UHRF2: variants seen among roughly 807,000 people sequenced by gnomAD.
The protein encoded by UHRF2 is ubiquitin like with PHD and ring finger domains 2.
A neutral mutation model predicts 96.8 loss-of-function variants in UHRF2; 23 were observed. The observed-to-expected ratio is 0.24, with a 90% CI of 0.17 to 0.34. UHRF2 has a LOEUF of 0.34. UHRF2 is among the 10% of genes least tolerant of loss of function. The probability of loss-of-function intolerance (pLI) is 1.00; values close to 1 mark genes in which losing one functional copy is unlikely to be tolerated. For synonymous variants in UHRF2, 385 were observed against 332.6 expected (o/e 1.16, Z -1.72); for missense variants, 685 against 981.5 (o/e 0.70, Z 4.04).
At chr9:6,421,265 A>G (rs971350533) in intron 2 of UHRF2, 123 bp downstream of exon 2, 1 of 756,966 alleles carries the variant, frequency 1.3e-6, no homozygotes, top group Non-Finnish European at 2.1e-6. Flanking sequence ...TGTTAATATC[A>G]TAACTTTTAA....
chr9:6,424,224 A>C (rs926708867), intron 2 of UHRF2, among the ~76,000 whole-genome samples: 8 of 152,230 alleles, frequency 5.3e-5, no homozygotes, highest in South Asian at 2.1e-4. Flanking sequence ...CAGTCACTAA[A>C]GTGGCTATCT....
chr9:6,421,202 A>G, intron 2 of UHRF2, 60 bp downstream of exon 2: 3 of 1,310,704 alleles, frequency 2.3e-6, no homozygotes, highest in Admixed American at 2.4e-5. Flanking sequence ...TTTTCTGTTC[A>G]GGATGTTTTG....
chr9:6,496,182 A>G (rs1824954546), intron 10 of UHRF2: 1 of 152,192 alleles, frequency 6.6e-6, no homozygotes, highest in South Asian at 2.1e-4. Context: ...CTGCATAAAA[A>G]GAATTAAACC....
At chr9:6,445,789 C>G (rs566230797) in intron 3 of UHRF2, among the ~76,000 whole-genome samples, 2 of 152,080 alleles carry the variant, frequency 1.3e-5, no homozygotes, top group African/African-American at 4.8e-5. Context: ...ATCTCAAACT[C>G]CTGGGCTCAA....
At chr9:6,502,432 C>G (rs1005509090) in intron 14 of UHRF2, among the ~76,000 whole-genome samples, 4 of 152,180 alleles carry the variant, frequency 2.6e-5, no homozygotes, top group African/African-American at 4.8e-5. Context: ...ACTACCCTTT[C>G]TAAAATGGCA....
At chr9:6,459,753 G>T (rs534255687) in intron 3 of UHRF2, among the ~76,000 whole-genome samples, 1 of 152,344 alleles carries the variant, frequency 6.6e-6, no homozygotes, top group African/African-American at 2.4e-5. Flanking sequence ...GCAGGGGGTT[G>T]CTTGAGGCCA....
chr9:6,491,158 A>G (rs937773867), intron 9 of UHRF2, among the ~76,000 whole-genome samples: 1 of 152,202 alleles, frequency 6.6e-6, no homozygotes, highest in Non-Finnish European at 1.5e-5. Flanking sequence ...GGACCCACAA[A>G]GATGACCTCT....
chr9:6,470,315 G>T (rs1823167266), intron 4 of UHRF2, among the ~76,000 whole-genome samples: 1 of 150,664 alleles, frequency 6.6e-6, no homozygotes, highest in Non-Finnish European at 1.5e-5. Flanking sequence ...GGAGGTTGCA[G>T]TGAGCTGAGA....
At position 6,446,296 on chromosome 9, in the gene UHRF2, G is replaced by A. The variant is rs142177972; in HGVS notation, c.644+12123G>A. Among the ~76,000 whole-genome samples, 15 of 151,968 alleles carry A rather than the reference G, an allele frequency of 9.9e-5. No homozygotes were observed. The East Asian group carries it at 2.7e-3, about 28-fold the overall frequency. On this transcript the variant is annotated intron_variant, in intron 3 of 15. Transcript: ENST00000276893. ...CTCCCAGGTAGATGGAATTACAGGC[G>A]TGTGCAACCACACTTGGCTAATTTT...
intron 2 of UHRF2, among the ~76,000 whole-genome samples, chr9:6,431,476 T>C (rs553396793): frequency 6.6e-6 from 1 of 152,206 alleles, no homozygotes; most frequent in Admixed American, 6.5e-5. Flanking sequence ...TGGTGGCATA[T>C]ACCTGTAGTC....
chr9:6,443,785 C>A (rs1478029469), intron 3 of UHRF2, among the ~76,000 whole-genome samples: 2 of 152,184 alleles, frequency 1.3e-5, no homozygotes, highest in African/African-American at 4.8e-5. Flanking sequence ...AATGTTACAG[C>A]ATCACTTAGA....
intron 1 of UHRF2, among the ~76,000 whole-genome samples, chr9:6,420,155 C>A (rs142526785): frequency 6.6e-6 from 1 of 151,544 alleles, no homozygotes. Flanking sequence ...CTCTGGAGTT[C>A]AAGAGATTCT....
At chr9:6,434,660 A>C (rs1820734618) in intron 3 of UHRF2, among the ~76,000 whole-genome samples, 1 of 152,108 alleles carries the variant, frequency 6.6e-6, no homozygotes, top group Admixed American at 6.5e-5. Context: ...ACTGGTCTCA[A>C]ACACCTGACC....
intron 2 of UHRF2, among the ~76,000 whole-genome samples, chr9:6,426,767 T>A (rs1820282725): frequency 6.6e-6 from 1 of 152,200 alleles, no homozygotes; most frequent in African/African-American, 2.4e-5. Context: ...ATTTTATTTT[T>A]GAGATGGAAT....
At chr9:6,458,761 T>C (rs937016513) in intron 3 of UHRF2, among the ~76,000 whole-genome samples, 1 of 152,304 alleles carries the variant, frequency 6.6e-6, no homozygotes, top group South Asian at 2.1e-4. Context: ...TAAAGACACA[T>C]GCACATGTAT....
At chr9:6,453,658 A>G (rs1243238070) in intron 3 of UHRF2, among the ~76,000 whole-genome samples, 2 of 152,220 alleles carry the variant, frequency 1.3e-5, no homozygotes, top group Non-Finnish European at 2.9e-5. Context: ...ACCATTAAAA[A>G]ATGGGATTGG....
intron 14 of UHRF2, among the ~76,000 whole-genome samples, chr9:6,500,912 A>G (rs1816257984): frequency 6.6e-6 from 1 of 152,212 alleles, no homozygotes. Context: ...TAGATGCTGG[A>G]TTTTGACTTC....
intron 6 of UHRF2, among the ~76,000 whole-genome samples, chr9:6,479,891 C>T (rs1454173379): frequency 6.6e-6 from 1 of 152,180 alleles, no homozygotes; most frequent in Non-Finnish European, 1.5e-5. Flanking sequence ...CCTTGAACTT[C>T]TGTAACGGAT....
At chr9:6,475,713 T>C (rs1044610034) in intron 5 of UHRF2, among the ~76,000 whole-genome samples, 4 of 152,208 alleles carry the variant, frequency 2.6e-5, no homozygotes, top group Non-Finnish European at 5.9e-5. Flanking sequence ...ATTATCTTGG[T>C]ATTTTATTGC....
Sources: allele counts gnomAD v4.1 joint callset (sites outside exome capture counted in the v4.1 genomes callset), GRCh38; gene constraint gnomAD v4.1.1; transcripts MANE v1.5; gene names NCBI Gene and HGNC (gene_info 2026-07-23, HGNC 2026-07-21).